The following SPAG16 variants were observed in gnomAD, a reference collection of about 807,000 sequenced individuals.
SPAG16 encodes sperm-associated antigen 16 protein.
In SPAG16, 86 loss-of-function variants were observed where a neutral mutation model predicts 80.4. The observed-to-expected ratio is 1.07, with a 90% CI of 0.90 to 1.28. The LOEUF is 1.28. SPAG16 is among the 50% of genes most tolerant of loss of function. The pLI is 0.00. For synonymous variants in SPAG16, 294 were observed against 265.9 expected, an observed-to-expected ratio of 1.11 and a Z score of -1.03; for missense variants, 870 against 765.3, an observed-to-expected ratio of 1.14 and a Z score of -1.61.
At chr2:213,514,521 G>C (rs1316939589) in intron 10 of SPAG16, among the ~76,000 whole-genome samples, 3 of 151,618 alleles carry the variant, frequency 2.0e-5, no homozygotes, top group Non-Finnish European at 1.5e-5. Context: ...CATTGTGCAG[G>C]TTAGTTACAT....
intron 12 of SPAG16, among the ~76,000 whole-genome samples, chr2:213,973,924 A>T (rs1478300528): frequency 6.6e-6 from 1 of 152,098 alleles, no homozygotes; most frequent in African/African-American, 2.4e-5. Context: ...GACCCTCAAG[A>T]ATTTGAGAGG....
intron 15 of SPAG16, among the ~76,000 whole-genome samples, chr2:214,287,946 T>C (rs1335239546): frequency 6.6e-6 from 1 of 152,178 alleles, no homozygotes; most frequent in Non-Finnish European, 1.5e-5. Context: ...CTCTCCTAGC[T>C]ACTTGGAAAT....
At chr2:213,424,019 A>T (rs892632870) in intron 9 of SPAG16, among the ~76,000 whole-genome samples, 1 of 152,160 alleles carries the variant, frequency 6.6e-6, no homozygotes, top group African/African-American at 2.4e-5. Context: ...TGATGCAGGA[A>T]CTCAAAGAGC....
intron 10 of SPAG16, among the ~76,000 whole-genome samples, chr2:213,658,387 G>A (rs2125171518): frequency 6.6e-6 from 1 of 152,042 alleles, no homozygotes; most frequent in Middle Eastern, 3.4e-3. Context: ...TATTATTCCT[G>A]TGTAGTCCTT....
At chr2:213,713,580 C>T (rs1308431963) in intron 10 of SPAG16, among the ~76,000 whole-genome samples, 1 of 152,200 alleles carries the variant, frequency 6.6e-6, no homozygotes, top group Non-Finnish European at 1.5e-5. Context: ...GCGTCAATGA[C>T]ATAAGGCAAC....
At chr2:214,072,872 G>C (rs1487079209) in intron 13 of SPAG16, among the ~76,000 whole-genome samples, 1 of 152,040 alleles carries the variant, frequency 6.6e-6, no homozygotes, top group African/African-American at 2.4e-5. Context: ...CTTGGATTTA[G>C]TTTCTATAGT....
At chr2:213,709,846 T>G (rs2065908744) in intron 10 of SPAG16, among the ~76,000 whole-genome samples, 1 of 152,236 alleles carries the variant, frequency 6.6e-6, no homozygotes, top group Admixed American at 6.5e-5. Flanking sequence ...ATACACAGGT[T>G]TGACCATTGC....
chr2:213,751,818 C>T (rs1026487632), intron 10 of SPAG16, among the ~76,000 whole-genome samples: 1 of 152,148 alleles, frequency 6.6e-6, no homozygotes, highest in African/African-American at 2.4e-5. Flanking sequence ...ATTAGGCCAT[C>T]ATCAGGATAA....
intron 10 of SPAG16, among the ~76,000 whole-genome samples, chr2:213,580,460 T>C (rs1483806166): frequency 1.3e-5 from 2 of 152,122 alleles, no homozygotes; most frequent in Non-Finnish European, 2.9e-5. Context: ...GATAATACTT[T>C]TTCTCCTCAC....
At chr2:213,648,935 C>T (rs932250218) in intron 10 of SPAG16, among the ~76,000 whole-genome samples, 3 of 151,930 alleles carry the variant, frequency 2.0e-5, no homozygotes, top group Admixed American at 6.6e-5. Flanking sequence ...CATAACCATG[C>T]GGCAAAAGCA....
chr2:213,536,138 G>T (rs1416182279), intron 10 of SPAG16, among the ~76,000 whole-genome samples: 1 of 151,952 alleles, frequency 6.6e-6, no homozygotes, highest in Non-Finnish European at 1.5e-5. Flanking sequence ...CTTTTGTATA[G>T]TTCACATTCT....
chr2:213,952,711 C>T (rs1198958700), intron 12 of SPAG16, among the ~76,000 whole-genome samples: 2 of 151,972 alleles, frequency 1.3e-5, no homozygotes, highest in East Asian at 1.9e-4. Flanking sequence ...CCATTCTAAC[C>T]GTGGATGGAG....
chr2:213,355,000 T>C (rs182525626), intron 7 of SPAG16, among the ~76,000 whole-genome samples: 16 of 152,342 alleles, frequency 1.1e-4, no homozygotes, highest in African/African-American at 2.4e-4. Context: ...GTTTTAGGCC[T>C]TACATTTAAG....
At chr2:213,311,608 A>G (rs182211385) in intron 4 of SPAG16, among the ~76,000 whole-genome samples, 19 of 151,848 alleles carry the variant, frequency 1.3e-4, no homozygotes, top group South Asian at 6.2e-4. Context: ...TAAAATTGGT[A>G]TAACGCATTT....
chr2:214,213,880 A>G (rs979056507), intron 15 of SPAG16, among the ~76,000 whole-genome samples: 2 of 152,206 alleles, frequency 1.3e-5, no homozygotes, highest in South Asian at 2.1e-4. Flanking sequence ...TTATGAACCA[A>G]TAAGTATCCA....
chr2:214,027,782 T>G (rs923692004), intron 13 of SPAG16, among the ~76,000 whole-genome samples: 2 of 151,926 alleles, frequency 1.3e-5, no homozygotes, highest in African/African-American at 4.8e-5. Flanking sequence ...GTAATTCATA[T>G]TTACATTATT....
At chr2:214,111,444 T>C (rs1373764628) in intron 14 of SPAG16, among the ~76,000 whole-genome samples, 1 of 152,180 alleles carries the variant, frequency 6.6e-6, no homozygotes, top group African/African-American at 2.4e-5. Flanking sequence ...TAGTTGTAGA[T>C]GTGTGTTGTT....
At chr2:213,418,870 C>G (rs1463332082) in intron 9 of SPAG16, among the ~76,000 whole-genome samples, 2 of 152,100 alleles carry the variant, frequency 1.3e-5, no homozygotes, top group African/African-American at 2.4e-5. Flanking sequence ...TTTTAAAAGC[C>G]AGAATTCTGG....
At chr2:214,338,063 A>G (rs1280494678) in intron 15 of SPAG16, among the ~76,000 whole-genome samples, 2 of 152,360 alleles carry the variant, frequency 1.3e-5, no homozygotes, top group East Asian at 3.9e-4. Context: ...TTTAAAAATT[A>G]TATATAGGTG....
Sources: gnomAD v4.1 joint callset for allele counts (sites outside exome capture counted in the v4.1 genomes callset) on GRCh38, gnomAD v4.1.1 for gene constraint, MANE v1.5 for transcripts, NCBI Gene and HGNC (gene_info 2026-07-23, HGNC 2026-07-21) for gene names.